The following AGBL1 variants were observed in gnomAD, a reference collection of about 807,000 sequenced individuals.
The protein encoded by AGBL1 is cytosolic carboxypeptidase 4.
In AGBL1, 130 loss-of-function variants were observed where a neutral mutation model predicts 118.9. That is an observed-to-expected ratio of 1.09 (90% confidence interval 0.95 to 1.26). The LOEUF (loss-of-function observed/expected upper bound fraction) is 1.26, where lower values mean the gene tolerates loss of function less well. Ranked by LOEUF, AGBL1 falls within the 50% of genes most tolerant of loss-of-function variation. The pLI, the probability that AGBL1 is intolerant of heterozygous loss-of-function variation, is 0.00. For missense variants in AGBL1, 1,584 were observed against 1,298.1 expected (o/e 1.22, Z -3.38); for synonymous variants, 555 against 478.9 (o/e 1.16, Z -2.08).
intron 23 of AGBL1, among the ~76,000 whole-genome samples, chr15:86,929,272 G>A (rs1030770003): frequency 1.3e-5 from 2 of 152,152 alleles, no homozygotes; most frequent in African/African-American, 2.4e-5. Flanking sequence ...TTTTTTAAAT[G>A]GGGAAAGATT....
At chr15:86,352,257 A>G (rs1004462827) in intron 17 of AGBL1, among the ~76,000 whole-genome samples, 1 of 152,142 alleles carries the variant, frequency 6.6e-6, no homozygotes, top group Non-Finnish European at 1.5e-5. Context: ...TGAGAGATGA[A>G]CTCTGACCAA....
chr15:86,589,069 T>A (rs2084296843), intron 21 of AGBL1, among the ~76,000 whole-genome samples: 1 of 151,456 alleles, frequency 6.6e-6, no homozygotes, highest in African/African-American at 2.4e-5. Context: ...AGGACAACAA[T>A]TTTTTTTAAA....
chr15:86,988,203 C>CA, intron 24 of AGBL1: 2 of 1,318,046 alleles, frequency 1.5e-6, no homozygotes, highest in African/African-American at 2.9e-5. Context: ...GGTGGGCCAA[C>CA]AACAAAAAAA....
chr15:86,288,820 A>AT (rs1239226933), intron 16 of AGBL1, among the ~76,000 whole-genome samples: 1 of 152,008 alleles, frequency 6.6e-6, no homozygotes, highest in Admixed American at 6.6e-5. Context: ...TCCGAGAAGA[A>AT]TTTTTTCTCT....
chr15:86,092,426 G>T (rs566819439), intron 1 of AGBL1, among the ~76,000 whole-genome samples: 3 of 152,262 alleles, frequency 2.0e-5, no homozygotes, highest in African/African-American at 7.2e-5. Flanking sequence ...TGGTAGGTTA[G>T]ATATTTCAGA....
chr15:86,724,093 G>A (rs539309949), intron 22 of AGBL1, among the ~76,000 whole-genome samples: 29 of 152,146 alleles, frequency 1.9e-4, no homozygotes, highest in Admixed American at 6.5e-4. Context: ...AAAATTAGCC[G>A]GGTGCGGTGG....
chr15:86,715,425 A>G (rs920211008), intron 22 of AGBL1, among the ~76,000 whole-genome samples: 2 of 152,204 alleles, frequency 1.3e-5, no homozygotes, highest in Non-Finnish European at 2.9e-5. Flanking sequence ...ATACCTGAGT[A>G]TTTAATACCA....
At chr15:86,867,862 C>G (rs970036688) in intron 22 of AGBL1, among the ~76,000 whole-genome samples, 1 of 152,118 alleles carries the variant, frequency 6.6e-6, no homozygotes, top group African/African-American at 2.4e-5. Context: ...ATGCAAATTT[C>G]TAAGTTTATC....
At chr15:86,967,542 A>G (rs1051512491) in intron 23 of AGBL1, among the ~76,000 whole-genome samples, 12 of 152,156 alleles carry the variant, frequency 7.9e-5, no homozygotes, top group Non-Finnish European at 1.6e-4. Context: ...CTTTCTACAT[A>G]TGGCTAGCCA....
At chr15:86,360,390 C>T (rs1342987565) in intron 17 of AGBL1, among the ~76,000 whole-genome samples, 1 of 150,746 alleles carries the variant, frequency 6.6e-6, no homozygotes, top group African/African-American at 2.4e-5. Flanking sequence ...TCCTTGCATC[C>T]CAGGGATAAA....
In AGBL1 at chr15:86,247,698, G is replaced by T. The variant is rs762731518; in HGVS notation, c.554G>T (p.Arg185Leu). 1.2e-6 allele frequency: 2 copies of T among 1,611,174 alleles called. No individual in the cohort carries two copies. Among genetic ancestry groups the T allele is most frequent in the East Asian group, 4.5e-5 (2 of 44,752 alleles). The change falls in exon 7 of 23, where the codon CGA (arginine) becomes CTA (leucine). Residue 185 changes from arginine to leucine, a missense_variant. Physicochemically the swap from Arg to Leu is moderately radical, Grantham distance 102. Coordinates refer to ENST00000614907, the MANE Select transcript of AGBL1 (RefSeq NM_001386094.1). The part of the protein sequence containing the change: ...SKSNGRRAVN[R>L]GYVTSLLGLH... ...TCGAACGGCCGCAGAGCAGTGAACC[G>T]AGGCTACGTCACCAGCCTGCTCGGG...
At chr15:86,711,431 G>T (rs1007030707) in intron 22 of AGBL1, among the ~76,000 whole-genome samples, 1 of 152,152 alleles carries the variant, frequency 6.6e-6, no homozygotes, top group Admixed American at 6.6e-5. Context: ...TCTCTGCATC[G>T]TGCCAGCATT....
At chr15:86,449,136 A>C (rs894252885) in intron 18 of AGBL1, among the ~76,000 whole-genome samples, 1 of 152,214 alleles carries the variant, frequency 6.6e-6, no homozygotes, top group Non-Finnish European at 1.5e-5. Context: ...AGCAAAAGGA[A>C]GAAATGGAAC....
At chr15:86,159,297 C>A (rs188993390) in intron 5 of AGBL1, among the ~76,000 whole-genome samples, 1 of 152,100 alleles carries the variant, frequency 6.6e-6, no homozygotes, top group South Asian at 2.1e-4. Context: ...TATCCAAGGT[C>A]CCTGTGGTAG....
intron 17 of AGBL1, among the ~76,000 whole-genome samples, chr15:86,367,609 C>A (rs888356893): frequency 6.6e-6 from 1 of 151,628 alleles, no homozygotes; most frequent in African/African-American, 2.4e-5. Context: ...AAAAAAGTTT[C>A]TTTTACCAGA....
intron 22 of AGBL1, among the ~76,000 whole-genome samples, chr15:86,798,183 A>C (rs1469915569): frequency 6.6e-6 from 1 of 152,124 alleles, no homozygotes; most frequent in Non-Finnish European, 1.5e-5. Flanking sequence ...AAACAACAAA[A>C]ACAACCGATT....
At chr15:86,891,287 G>T (rs1287092992) in intron 22 of AGBL1, among the ~76,000 whole-genome samples, 5 of 152,066 alleles carry the variant, frequency 3.3e-5, no homozygotes, top group African/African-American at 1.2e-4. Context: ...CTTTTGGGCT[G>T]GATGCTTTGA....
At chr15:86,813,215 A>G (rs2078815573) in intron 22 of AGBL1, among the ~76,000 whole-genome samples, 2 of 151,586 alleles carry the variant, frequency 1.3e-5, no homozygotes, top group Admixed American at 6.6e-5. Flanking sequence ...GGGGGGCCTC[A>G]GGGGATGTGG....
At chr15:86,999,365 T>C in intron 24 of AGBL1, among the ~76,000 whole-genome samples, 1 of 137,032 alleles carries the variant, frequency 7.3e-6, no homozygotes. Flanking sequence ...ATGCTATCCC[T>C]CCCCCCTGCC....
Sources: gnomAD v4.1 joint callset for allele counts (sites outside exome capture counted in the v4.1 genomes callset) on GRCh38, gnomAD v4.1.1 for gene constraint, MANE v1.5 for transcripts, NCBI Gene and HGNC (gene_info 2026-07-23, HGNC 2026-07-21) for gene names.